PREX1: variants seen among roughly 807,000 people sequenced by gnomAD.
PREX1 encodes the protein phosphatidylinositol 3,4,5-trisphosphate-dependent Rac exchanger 1 protein.
A neutral mutation model predicts 198.3 loss-of-function variants in PREX1; 41 were observed. The ratio of observed to expected loss-of-function variants is 0.21; its 90% CI spans 0.16 to 0.27. The LOEUF (loss-of-function observed/expected upper bound fraction) is 0.27. Ranked by LOEUF, PREX1 falls within the 10% of genes least tolerant of loss-of-function variation. The pLI is 1.00. For missense variants in PREX1, 1,620 were observed against 2,200.7 expected, an observed-to-expected ratio of 0.74 and a Z score of 5.28; for synonymous variants, 843 against 887.2, an observed-to-expected ratio of 0.95 and a Z score of 0.89.
In PREX1 at chr20:48,692,857, G is replaced by A. The variant is rs572375158; in HGVS notation, c.918-67C>T. The A allele has an allele frequency of 5.6e-4, 752 of 1,334,256 alleles. 2 individuals are homozygous for A. Among genetic ancestry groups the A allele is most frequent in the South Asian group, 7.4e-4 (63 of 85,214 alleles). The allele number at this position is 1,334,256 out of a possible 1,614,324, so 82.7% of individuals were successfully genotyped here. On this transcript the variant is annotated intron_variant, in intron 7 of 39. Coordinates refer to ENST00000371941, the MANE Select transcript of PREX1 (RefSeq NM_020820.4). The stretch of plus-strand genomic sequence containing the variant: ...CCCAGATGCAACTGTTTTCAACAGC[G>A]CAAAGGGGAACACAACACTGAGGGG...
chr20:48,658,286 C>T (rs1601052151), intron 16 of PREX1, 58 bp from the exon 17 acceptor site: 1 of 1,545,116 alleles, frequency 6.5e-7, no homozygotes, highest in Non-Finnish European at 8.9e-7. Context: ...TACGGCCAGC[C>T]CCACCGTGGC....
intron 1 of PREX1, among the ~76,000 whole-genome samples, chr20:48,785,846 C>G (rs1601134983): frequency 6.6e-6 from 1 of 152,222 alleles, no homozygotes; most frequent in South Asian, 2.1e-4. Flanking sequence ...GAGCCCCCAT[C>G]ATGTGGCAGG....
rs2090513504 is a variant in PREX1 at position 48,827,294 on chromosome 20, C to G, written c.219+348G>C. Among the ~76,000 whole-genome samples the G allele has an allele frequency of 6.6e-6, 1 of 152,248 alleles. No individual in the cohort carries two copies. Among genetic ancestry groups the G allele is most frequent in the Non-Finnish European group, 1.5e-5 (1 of 68,044 alleles). ...TTCCTGGGAAAAAGACGCAGGAGCG[C>G]CAGCTCCCGGCGCCGCCGGGGTCCC... On this transcript the variant is annotated intron_variant, in intron 1 of 39. Coordinates refer to ENST00000371941, the MANE Select transcript of PREX1 (RefSeq NM_020820.4). This position sits in a 1 kb window ranked among gnomAD's most constrained non-coding sequence, Gnocchi z 4.1.
chr20:48,643,336 G>T (rs193094568), intron 27 of PREX1, among the ~76,000 whole-genome samples: 362 of 152,250 alleles, frequency 2.4e-3, no homozygotes, highest in African/African-American at 8.4e-3. Context: ...GAATGTGGTG[G>T]CGGGCGCCTG....
At chr20:48,758,333 G>T (rs115588866) in intron 1 of PREX1, among the ~76,000 whole-genome samples, 2,253 of 152,320 alleles carry the variant, frequency 0.015, 58 homozygotes, top group African/African-American at 0.052. Flanking sequence ...AAGTGACAGA[G>T]CAGCTCAGAG....
the PREX1 span, among the ~76,000 whole-genome samples, chr20:48,883,823 C>T: frequency 1.3e-5 from 2 of 151,732 alleles, no homozygotes; most frequent in Admixed American, 1.3e-4. Flanking sequence ...AACTAATCTA[C>T]AGGTTTAAAG....
Position 48,827,334 on chromosome 20 carries a change from G to A in PREX1, c.219+308C>T, listed in dbSNP as rs900595415. ...GCCGGGGTCCCCAAGCCCCTGCATC[G>A]CGGATGTAACTAATTTTAAAACTAT... On this transcript the variant is annotated intron_variant, in intron 1 of 39. Transcript: ENST00000371941. The surrounding 1 kb of genome is among the most constrained non-coding windows in gnomAD (Gnocchi z 4.1). 6.6e-6 allele frequency among the ~76,000 whole-genome samples: 1 copy of A among 152,190 alleles called. No homozygotes were observed. Among genetic ancestry groups the A allele is most frequent in the Non-Finnish European group, 1.5e-5 (1 of 68,034 alleles).
intron 10 of PREX1, among the ~76,000 whole-genome samples, 189 bp from the exon 11 acceptor site, chr20:48,681,524 G>A (rs1352216425): frequency 6.6e-6 from 1 of 152,184 alleles, no homozygotes; most frequent in Non-Finnish European, 1.5e-5. Flanking sequence ...CAATAGCAGA[G>A]AGGAGAGTGT....
chr20:48,673,893 C>T (rs1434948118), intron 14 of PREX1, among the ~76,000 whole-genome samples: 4 of 152,196 alleles, frequency 2.6e-5, no homozygotes, highest in African/African-American at 9.7e-5. Context: ...ACACAATTAT[C>T]TCATCAAAAC....
At chr20:48,862,790 A>AAAAAAATATAT in the PREX1 span, among the ~76,000 whole-genome samples, 316 of 102,504 alleles carry the variant, frequency 3.1e-3, 4 homozygotes, top group African/African-American at 0.013. Flanking sequence ...TAAAAAAAAA[A>AAAAAAATATAT]ATATATATAT....
chr20:48,625,771 G>T lies in PREX1; in HGVS notation c.*114C>A. 1 of 1,275,072 alleles carries T rather than the reference G, an allele frequency of 7.8e-7. No individual in the cohort carries two copies. Among genetic ancestry groups the T allele is most frequent in the South Asian group, 1.6e-5 (1 of 64,050 alleles). The allele number at this position is 1,275,072 out of a possible 1,614,324, so 79.0% of individuals were successfully genotyped here. ...CAGGGAGGACGCTGGGCAGGTCCCGGAACGGGCGGCTGCGGAAGCCTTGGG... is the reference window on the plus strand; with the variant it reads ...CAGGGAGGACGCTGGGCAGGTCCCGTAACGGGCGGCTGCGGAAGCCTTGGG... On this transcript the variant is annotated 3_prime_UTR_variant, in exon 40 of 40. Coordinates refer to ENST00000371941, the MANE Select transcript of PREX1 (RefSeq NM_020820.4).
At chr20:48,630,687 C>T (rs755491819) in intron 36 of PREX1, 41 bp downstream of exon 36, 3 of 1,521,934 alleles carry the variant, frequency 2.0e-6, no homozygotes, top group Middle Eastern at 1.7e-4. Flanking sequence ...AGCGCCCCAC[C>T]CTGCCCAAGC....
At chr20:48,712,300 G>A (rs548206350) in intron 5 of PREX1, among the ~76,000 whole-genome samples, 3 of 152,268 alleles carry the variant, frequency 2.0e-5, no homozygotes, top group African/African-American at 4.8e-5. Context: ...ACAGCTAAGC[G>A]GCTACACGGT....
At chr20:48,633,103 A>G (rs1457952127) in intron 33 of PREX1, among the ~76,000 whole-genome samples, 1 of 152,128 alleles carries the variant, frequency 6.6e-6, no homozygotes, top group African/African-American at 2.4e-5. Flanking sequence ...GGGGGTGCAA[A>G]ATATGGCACC....
At chr20:48,699,018 C>T (rs1337008606) in intron 7 of PREX1, among the ~76,000 whole-genome samples, 1 of 152,158 alleles carries the variant, frequency 6.6e-6, no homozygotes, top group East Asian at 1.9e-4. Context: ...AGGGGCTGAT[C>T]GTCTCACTTT....
At chr20:48,843,855 G>C in the PREX1 span, among the ~76,000 whole-genome samples, 10 of 152,174 alleles carry the variant, frequency 6.6e-5, no homozygotes, top group African/African-American at 1.4e-4. Flanking sequence ...TCCAAATCTA[G>C]TAGCTGTGAC....
At position 48,736,586 on chromosome 20, in the gene PREX1, C is replaced by A. The variant is rs530676507; in HGVS notation, c.415-1936G>T. Among the ~76,000 whole-genome samples the A allele has an allele frequency of 3.3e-5, 5 of 152,300 alleles. No individual in the cohort carries two copies. In the South Asian group the frequency reaches 1.0e-3, roughly 32 times the overall value. On this transcript the variant is annotated intron_variant, in intron 3 of 39. Coordinates refer to ENST00000371941, the MANE Select transcript of PREX1 (RefSeq NM_020820.4). ...GTCTCAAATGGGCCTAAGGGACCAT[C>A]AAGGCCAAAAGAGCTGGGTGAGTAG...
chr20:48,787,352 T>C (rs1476729924), intron 1 of PREX1, among the ~76,000 whole-genome samples: 1 of 150,454 alleles, frequency 6.6e-6, no homozygotes, highest in African/African-American at 2.4e-5. Context: ...AAAGACATCA[T>C]AAAGGTCCTT....
At chr20:48,679,457 C>A in intron 12 of PREX1, 48 bp from the exon 13 acceptor site, 1 of 1,577,968 alleles carries the variant, frequency 6.3e-7, no homozygotes, top group South Asian at 1.1e-5. Flanking sequence ...ACATCCTTCA[C>A]GAGCCTCCAA....
Sources: gnomAD v4.1 joint callset for allele counts (sites outside exome capture counted in the v4.1 genomes callset) on GRCh38, gnomAD v4.1.1 for gene constraint, Gnocchi (gnomAD v3.1) non-coding constraint, MANE v1.5 for transcripts, NCBI Gene and HGNC (gene_info 2026-07-23, HGNC 2026-07-21) for gene names.